The following BCAS3 variants were observed in gnomAD, a reference collection of about 807,000 sequenced individuals.
BCAS3 encodes the protein BCAS3 microtubule associated cell migration factor.
BCAS3 carries 53 observed loss-of-function variants against 116.1 expected under a neutral mutation model. The ratio of observed to expected loss-of-function variants is 0.46; its 90% CI spans 0.37 to 0.57. The LOEUF (loss-of-function observed/expected upper bound fraction) is 0.57, where lower values mean the gene tolerates loss of function less well. BCAS3 is among the 20% of genes least tolerant of loss of function. The pLI, the probability that BCAS3 is intolerant of heterozygous loss-of-function variation, is 0.00. For synonymous variants in BCAS3, 391 were observed against 408.2 expected (o/e 0.96, Z 0.51); for missense variants, 917 against 1,165.4 (o/e 0.79, Z 3.10).
chr17:60,726,147 G>C (rs1373846591), intron 5 of BCAS3, among the ~76,000 whole-genome samples: 2 of 150,516 alleles, frequency 1.3e-5, no homozygotes, highest in Non-Finnish European at 3.0e-5. Flanking sequence ...AGACCGCCTT[G>C]GCCTCCCAAA....
intron 22 of BCAS3, among the ~76,000 whole-genome samples, chr17:61,247,545 C>T (rs1339518565): frequency 6.6e-6 from 1 of 152,094 alleles, no homozygotes; most frequent in Non-Finnish European, 1.5e-5. Context: ...TTTAGTTATC[C>T]TTGACTCCAT....
chr17:60,820,376 T>TC (rs1381737075), intron 7 of BCAS3, among the ~76,000 whole-genome samples: 2 of 152,160 alleles, frequency 1.3e-5, no homozygotes, highest in Non-Finnish European at 2.9e-5. Flanking sequence ...TCCAGAGGCT[T>TC]CCTATGGGGT....
chr17:61,284,900 G>A (rs2051594724), intron 22 of BCAS3, among the ~76,000 whole-genome samples: 1 of 152,214 alleles, frequency 6.6e-6, no homozygotes, highest in Non-Finnish European at 1.5e-5. Context: ...AGAAGGGACA[G>A]CAGAAGCTTC....
rs562390350 is a variant in BCAS3 at position 61,335,046 on chromosome 17, AG to A, written c.2426-33280del. Among the ~76,000 whole-genome samples, 520 of 152,358 alleles carry A rather than the reference AG, an allele frequency of 3.4e-3. 3 individuals carry two copies. The highest frequency in any genetic ancestry group is 0.012 in the African/African-American group (488 of 41,584). The stretch of plus-strand genomic sequence containing the variant: ...CACTGTGGTCATCCCAGGGGCACCC[AG>A]AACAGACCGGAGTTCTTCCTCAGGC... On this transcript the variant is annotated intron_variant, in intron 22 of 23. Transcript: ENST00000407086.
At chr17:60,974,838 A>G (rs369863371) in intron 14 of BCAS3, among the ~76,000 whole-genome samples, 6 of 152,296 alleles carry the variant, frequency 3.9e-5, no homozygotes, top group Admixed American at 2.0e-4. Context: ...GAGTGCCCTA[A>G]TGAGGATTCC....
chr17:61,265,703 C>CA lies in BCAS3; in HGVS notation c.2426-102624_2426-102623insA, dbSNP rs1367390194. Among the ~76,000 whole-genome samples the CA allele has an allele frequency of 6.6e-6, 1 of 151,628 alleles. No individual in the cohort carries two copies. Among genetic ancestry groups the CA allele is most frequent in the East Asian group, 1.9e-4 (1 of 5,172 alleles). On this transcript the variant is annotated intron_variant, in intron 22 of 23. Coordinates refer to ENST00000407086, the MANE Select transcript of BCAS3 (RefSeq NM_017679.5). The surrounding 1 kb of genome is among the most constrained non-coding windows in gnomAD (Gnocchi z 4.3). ...GTAACACCATCATTCTTTTTTCCCC[C>CA]CCATCAAGTAGTATATCTGCCAGGG...
intron 22 of BCAS3, among the ~76,000 whole-genome samples, chr17:61,212,518 G>A (rs753058819): frequency 1.2e-4 from 18 of 150,530 alleles, no homozygotes; most frequent in Non-Finnish European, 2.2e-4. Flanking sequence ...TTATATTAAC[G>A]AAAGAAAAGG....
chr17:60,762,070 T>G (rs2144356984), intron 6 of BCAS3, among the ~76,000 whole-genome samples: 1 of 152,284 alleles, frequency 6.6e-6, no homozygotes, highest in South Asian at 2.1e-4. Flanking sequence ...TTTTTTCTTG[T>G]AAACTTGTTT....
intron 12 of BCAS3, among the ~76,000 whole-genome samples, chr17:60,921,942 A>G (rs1001423466): frequency 9.9e-5 from 15 of 152,182 alleles, no homozygotes; most frequent in Non-Finnish European, 1.9e-4. Context: ...GGGTCAATAT[A>G]ATAAAACAAT....
intron 22 of BCAS3, among the ~76,000 whole-genome samples, chr17:61,284,257 C>T (rs1418801838): frequency 1.3e-5 from 2 of 152,164 alleles, no homozygotes; most frequent in Non-Finnish European, 2.9e-5. Flanking sequence ...CAAACCTGCT[C>T]AGGTTCCCTT....
intron 5 of BCAS3, among the ~76,000 whole-genome samples, chr17:60,711,210 T>C (rs1279088100): frequency 2.6e-5 from 4 of 152,010 alleles, no homozygotes; most frequent in Non-Finnish European, 5.9e-5. Context: ...TGCTGGTATG[T>C]CATGAAATTA....
At chr17:60,871,586 G>GT (rs934655479) in intron 8 of BCAS3, among the ~76,000 whole-genome samples, 5 of 148,318 alleles carry the variant, frequency 3.4e-5, no homozygotes, top group South Asian at 2.2e-4. Flanking sequence ...GTTTGCCAGG[G>GT]TTTTTTTTGG....
intron 4 of BCAS3, among the ~76,000 whole-genome samples, chr17:60,690,074 A>G (rs536066390): frequency 6.6e-6 from 1 of 152,356 alleles, no homozygotes; most frequent in Non-Finnish European, 1.5e-5. Context: ...TATAAGATTT[A>G]TAACTGCAAA....
intron 22 of BCAS3, among the ~76,000 whole-genome samples, chr17:61,240,388 C>T (rs954689998): frequency 6.6e-6 from 1 of 152,168 alleles, no homozygotes; most frequent in Admixed American, 6.5e-5. Flanking sequence ...CAGTGGGTCA[C>T]ACCTGTAACC....
chr17:61,253,632 G>A (rs147283496), intron 22 of BCAS3, among the ~76,000 whole-genome samples: 1 of 151,618 alleles, frequency 6.6e-6, no homozygotes, highest in East Asian at 1.9e-4. Context: ...ATTGGAGGAG[G>A]GGCAGCTGAG....
chr17:61,391,919 T>C lies in BCAS3; in HGVS notation c.2594-58T>C. 2 of 1,574,502 alleles carry C rather than the reference T, an allele frequency of 1.3e-6. No individual in the cohort carries two copies. Among genetic ancestry groups the C allele is most frequent in the Non-Finnish European group, 1.7e-6 (2 of 1,159,594 alleles). On this transcript the variant is annotated intron_variant, in intron 23 of 23. Transcript: ENST00000407086. This position sits in a 1 kb window ranked among gnomAD's most constrained non-coding sequence, Gnocchi z 7.7. ...AAGGCAGGCAGCCTGGCCCAGATGGTGCCCCCACTCCCCAGACCCAACTCT... is the reference window on the plus strand; with the variant it reads ...AAGGCAGGCAGCCTGGCCCAGATGGCGCCCCCACTCCCCAGACCCAACTCT...
At position 60,995,498 on chromosome 17, in the gene BCAS3, A is replaced by G. The variant is rs1200488643; in HGVS notation, c.1486+5263A>G. On this transcript the variant is annotated intron_variant, in intron 15 of 23. Transcript: ENST00000407086. The surrounding 1 kb of genome is among the most constrained non-coding windows in gnomAD (Gnocchi z 4.7). The stretch of plus-strand genomic sequence containing the variant: ...TTTTAAGTAGAGACTGGGTTTCACA[A>G]TGTTGGCCAGGCTGGTCTCAAACTC... 4.0e-5 allele frequency among the ~76,000 whole-genome samples: 6 copies of G among 149,296 alleles called. No individual in the cohort carries two copies. Among genetic ancestry groups the G allele is most frequent in the East Asian group, 2.0e-4 (1 of 5,002 alleles).
intron 5 of BCAS3, among the ~76,000 whole-genome samples, chr17:60,719,029 TC>T (rs1305476735): frequency 1.3e-5 from 2 of 152,066 alleles, no homozygotes; most frequent in Non-Finnish European, 2.9e-5. Context: ...GCCATTGCAC[TC>T]CAGCCTGGGC....
Position 61,392,256 on chromosome 17 carries a change from G to A in BCAS3, c.*131G>A. On this transcript the variant is annotated 3_prime_UTR_variant, in exon 24 of 24. Transcript: ENST00000407086. The surrounding 1 kb of genome is among the most constrained non-coding windows in gnomAD (Gnocchi z 6.4). Reference sequence around the variant, plus strand: ...ACCTTCCCCAAGCTTAGTGACAGCAGCCGCCCATCCTACCTGGATGGAGAA... The same window carrying A: ...ACCTTCCCCAAGCTTAGTGACAGCAACCGCCCATCCTACCTGGATGGAGAA... The A allele has an allele frequency of 8.8e-7, 1 of 1,140,930 alleles. No homozygotes were observed. The highest frequency in any genetic ancestry group is 1.2e-6 in the Non-Finnish European group (1 of 817,832). 70.7% of individuals were successfully genotyped at this position (1,140,930 alleles called of 1,614,324 possible).
Sources: gnomAD v4.1 joint callset for allele counts (sites outside exome capture counted in the v4.1 genomes callset) on GRCh38, gnomAD v4.1.1 for gene constraint, Gnocchi (gnomAD v3.1) non-coding constraint, MANE v1.5 for transcripts, NCBI Gene and HGNC (gene_info 2026-07-23, HGNC 2026-07-21) for gene names.